The following USP13 variants were observed in gnomAD, a reference collection of about 807,000 sequenced individuals.
USP13 encodes ubiquitin carboxyl-terminal hydrolase 13.
In USP13, 68 loss-of-function variants were observed where a neutral mutation model predicts 107.8. That is an observed-to-expected ratio of 0.63 (90% CI 0.52 to 0.77). USP13 has a LOEUF of 0.77. Ranked by LOEUF, USP13 falls within the 30% of genes least tolerant of loss-of-function variation. The pLI is 0.00. For missense variants in USP13, 945 were observed against 1,093.3 expected (o/e 0.86, Z 1.91); for synonymous variants, 377 against 389.5 (o/e 0.97, Z 0.38).
At chr3:179,666,155 T>C (rs1281147274) in intron 1 of USP13, among the ~76,000 whole-genome samples, 1 of 152,092 alleles carries the variant, frequency 6.6e-6, no homozygotes, top group Non-Finnish European at 1.5e-5. Flanking sequence ...GTGAAAGAGG[T>C]TGGTCTTGAT....
At chr3:179,683,875 C>G (rs146585740) in intron 2 of USP13, among the ~76,000 whole-genome samples, 5 of 152,294 alleles carry the variant, frequency 3.3e-5, no homozygotes, top group African/African-American at 1.2e-4. Flanking sequence ...GAATGGGAAT[C>G]TATTTTTTCA....
At chr3:179,666,714 T>C (rs780515517) in intron 1 of USP13, among the ~76,000 whole-genome samples, 10 of 152,062 alleles carry the variant, frequency 6.6e-5, no homozygotes, top group African/African-American at 9.7e-5. Context: ...CCTTTGCCTG[T>C]CCCTCCTGCT....
intron 19 of USP13, among the ~76,000 whole-genome samples, chr3:179,780,406 C>T (rs78874562): frequency 0.015 from 2,239 of 152,096 alleles, 44 homozygotes; most frequent in African/African-American, 0.052. Context: ...GATCAATATA[C>T]AAAATTAAAT....
In USP13 at chr3:179,740,288, T is replaced by C; in HGVS notation, c.1296T>C (p.Phe432=). ...NGISPRMFKA[F]VSKSHPEFSS... is the part of the protein sequence containing the mutation. ...TCTCTCCGCGCATGTTTAAGGCCTTTGTAAGCAAGAGCCACCCGGAATTCT... is the reference window on the plus strand; with the variant it reads ...TCTCTCCGCGCATGTTTAAGGCCTTCGTAAGCAAGAGCCACCCGGAATTCT... Residue 432 remains phenylalanine, a synonymous_variant, in exon 11 of 21, where the codon TTT becomes TTC. Transcript: ENST00000263966. The C allele has an allele frequency of 1.9e-6, 3 of 1,614,136 alleles. 1 individual carries two copies. The South Asian group carries it at 3.3e-5, about 18-fold the overall frequency.
At chr3:179,664,346 G>T (rs956706217) in intron 1 of USP13, among the ~76,000 whole-genome samples, 1 of 152,046 alleles carries the variant, frequency 6.6e-6, no homozygotes, top group African/African-American at 2.4e-5. Flanking sequence ...CACCTGCCTT[G>T]GCTTCCCAAA....
chr3:179,756,901 T>G (rs1576981239), intron 15 of USP13, 151 bp from the exon 16 acceptor site: 1 of 691,136 alleles, frequency 1.4e-6, no homozygotes, highest in East Asian at 2.5e-5. Context: ...GAGGCTGGGG[T>G]GGTCTGCGTG....
At chr3:179,723,717 A>T (rs973703006) in intron 8 of USP13, among the ~76,000 whole-genome samples, 1 of 152,212 alleles carries the variant, frequency 6.6e-6, no homozygotes, top group Non-Finnish European at 1.5e-5. Flanking sequence ...GCAATGAACT[A>T]TTCATACATG....
intron 19 of USP13, among the ~76,000 whole-genome samples, chr3:179,777,443 C>CTTTTTTTT (rs11317182): frequency 8.8e-5 from 10 of 113,674 alleles, no homozygotes; most frequent in Admixed American, 1.0e-4. Flanking sequence ...CTCTCTCTCT[C>CTTTTTTTT]TTTTTTTTTT....
At chr3:179,782,165 CAA>C (rs1337717845) in intron 20 of USP13, among the ~76,000 whole-genome samples, 1 of 152,084 alleles carries the variant, frequency 6.6e-6, no homozygotes, top group Non-Finnish European at 1.5e-5. Context: ...CAAAAGGAAA[CAA>C]GACAGGAAAA....
intron 15 of USP13, among the ~76,000 whole-genome samples, chr3:179,756,416 A>G (rs1227558748): frequency 8.6e-5 from 2 of 23,180 alleles, no homozygotes; most frequent in African/African-American, 1.5e-4. Flanking sequence ...TCTCAAAAAA[A>G]CAAACAAACA....
intron 3 of USP13, among the ~76,000 whole-genome samples, chr3:179,697,637 T>A (rs1242184818): frequency 1.3e-5 from 2 of 152,016 alleles, no homozygotes; most frequent in Non-Finnish European, 2.9e-5. Flanking sequence ...AAGTTGGGGG[T>A]CCCTAGGGTA....
chr3:179,770,650 G>A (rs796530223), intron 19 of USP13, among the ~76,000 whole-genome samples: 39 of 151,976 alleles, frequency 2.6e-4, no homozygotes, highest in African/African-American at 9.4e-4. Flanking sequence ...CTGTCGCCAG[G>A]CTGGAGTGCA....
chr3:179,773,480 T>C (rs1576992595), intron 19 of USP13, among the ~76,000 whole-genome samples: 1 of 152,214 alleles, frequency 6.6e-6, no homozygotes, highest in Admixed American at 6.5e-5. Context: ...TTAGATGCTA[T>C]AATGGCTTAT....
chr3:179,671,567 C>T (rs1237282012), intron 1 of USP13, among the ~76,000 whole-genome samples: 2 of 152,022 alleles, frequency 1.3e-5, no homozygotes, highest in African/African-American at 4.8e-5. Flanking sequence ...TTTCTTAGCC[C>T]AAAAATACTA....
At chr3:179,696,479 G>A (rs1044479882) in intron 3 of USP13, among the ~76,000 whole-genome samples, 95 of 152,038 alleles carry the variant, frequency 6.2e-4, no homozygotes, top group African/African-American at 2.1e-3. Context: ...TACAGGCGCT[G>A]GCCACCACAC....
chr3:179,775,582 G>A (rs977813352), intron 19 of USP13, among the ~76,000 whole-genome samples: 7 of 152,202 alleles, frequency 4.6e-5, no homozygotes, highest in Non-Finnish European at 7.3e-5. Context: ...GGTGCCCCTC[G>A]GGGAGGCTTG....
chr3:179,739,843 G>A (rs1325333801), intron 10 of USP13, among the ~76,000 whole-genome samples: 5 of 152,166 alleles, frequency 3.3e-5, no homozygotes, highest in Admixed American at 2.0e-4. Flanking sequence ...ACAGGCATGA[G>A]CCAACACACC....
intron 8 of USP13, among the ~76,000 whole-genome samples, chr3:179,727,163 GTTT>G (rs528617941): frequency 0.081 from 9,298 of 114,252 alleles, 653 homozygotes; most frequent in African/African-American, 0.2. Context: ...AATTTTTAAT[GTTT>G]TTTTTTTTTT....
chr3:179,771,003 GC>G (rs1470852980), intron 19 of USP13, among the ~76,000 whole-genome samples: 1 of 152,156 alleles, frequency 6.6e-6, no homozygotes, highest in Non-Finnish European at 1.5e-5. Flanking sequence ...GTTTTAAGTG[GC>G]AAGAAGTCCA....
Sources: allele counts gnomAD v4.1 joint callset (sites outside exome capture counted in the v4.1 genomes callset), GRCh38; gene constraint gnomAD v4.1.1; transcripts MANE v1.5; gene names NCBI Gene and HGNC (gene_info 2026-07-23, HGNC 2026-07-21).